Variants in MMP20 observed in about 807,000 individuals in gnomAD.
The protein encoded by MMP20 is matrix metallopeptidase 20.
MMP20 carries 50 observed loss-of-function variants against 51.8 expected under a neutral mutation model. The ratio of observed to expected loss-of-function variants is 0.97; its 90% CI spans 0.77 to 1.22. MMP20 has a LOEUF of 1.22. Ranked by LOEUF, MMP20 falls within the 50% of genes most tolerant of loss-of-function variation. The pLI, the probability that MMP20 is intolerant of heterozygous loss-of-function variation, is 0.00. For missense variants in MMP20, 663 were observed against 601.4 expected (o/e 1.10, Z -1.07); for synonymous variants, 244 against 216.2 (o/e 1.13, Z -1.13).
At chr11:102,601,139 TTTTTTTTTTTTGAGA>T (rs1591615521) in intron 6 of MMP20, among the ~76,000 whole-genome samples, 1 of 44,836 alleles carries the variant, frequency 2.2e-5, no homozygotes, top group African/African-American at 8.5e-5. Context: ...TTTTTTTTTT[TTTTTTTTTTTTGAGA>T]CGGAGTCTCG....
chr11:102,602,095 G>A lies in MMP20; in HGVS notation c.953+4440C>T, dbSNP rs1398222990. Among the ~76,000 whole-genome samples the A allele has an allele frequency of 9.2e-4, 132 of 143,434 alleles. 1 individual carries two copies. The highest frequency in any genetic ancestry group is 3.6e-3 in the Middle Eastern group (1 of 280). The allele number at this position is 143,434 out of a possible 152,430, so 94.1% of individuals were successfully genotyped here. A position where few individuals can be genotyped will look rare whatever the true frequency, so the allele number is the denominator to read the frequency against. ...CTCCCGAGTAGCTGGGATTACAGGC[G>A]CCCACCACCACGCCCGGCTAATTTT... is the stretch of plus-strand genomic sequence containing the variant. On this transcript the variant is annotated intron_variant, in intron 6 of 9. Coordinates refer to ENST00000260228, the MANE Select transcript of MMP20 (RefSeq NM_004771.4).
chr11:102,624,931 C>T (rs1326753272), intron 1 of MMP20, among the ~76,000 whole-genome samples: 1 of 152,102 alleles, frequency 6.6e-6, no homozygotes, highest in Non-Finnish European at 1.5e-5. Context: ...GCATGGTTTT[C>T]ACAAGCCACC....
At chr11:102,592,056 C>A (rs577875084) in intron 8 of MMP20, among the ~76,000 whole-genome samples, 3 of 152,186 alleles carry the variant, frequency 2.0e-5, no homozygotes, top group African/African-American at 7.2e-5. Context: ...CTCCAACAGA[C>A]GTGCTTACAC....
At chr11:102,619,093 G>A (rs920703467) in intron 1 of MMP20, among the ~76,000 whole-genome samples, 12 of 152,060 alleles carry the variant, frequency 7.9e-5, no homozygotes, top group African/African-American at 2.4e-4. Flanking sequence ...GTTCCATTCC[G>A]TCTCTAGTTA....
intron 6 of MMP20, among the ~76,000 whole-genome samples, chr11:102,602,012 C>T (rs1479367435): frequency 4.7e-5 from 7 of 147,588 alleles, no homozygotes; most frequent in South Asian, 2.1e-4. Context: ...TGCAGTGGCG[C>T]GATCTCGGCT....
Position 102,603,759 on chromosome 11 carries a change from T to G in MMP20, c.953+2776A>C, listed in dbSNP as rs147834604. ...CTCGTTCTAGTTCTTTGGAATCATC[T>G]GCCCTACCCCAGTAGCTCATTGAAT... On this transcript the variant is annotated intron_variant, in intron 6 of 9. Coordinates refer to ENST00000260228, the MANE Select transcript of MMP20 (RefSeq NM_004771.4). Among the ~76,000 whole-genome samples the G allele has an allele frequency of 7.0e-3, 1,068 of 152,318 alleles. 5 individuals are homozygous for G. The highest frequency in any genetic ancestry group is 0.027 in the Middle Eastern group (8 of 294).
chr11:102,598,523 G>T (rs1859409396), intron 6 of MMP20, among the ~76,000 whole-genome samples: 2 of 152,156 alleles, frequency 1.3e-5, no homozygotes. Flanking sequence ...TAAATGAACG[G>T]GTGCCAGAGA....
chr11:102,589,245 C>T (rs1859288464), intron 8 of MMP20, among the ~76,000 whole-genome samples: 1 of 152,158 alleles, frequency 6.6e-6, no homozygotes, highest in Middle Eastern at 3.2e-3. Context: ...GCCTGGAAGC[C>T]ACCCACCCGC....
intron 8 of MMP20, among the ~76,000 whole-genome samples, chr11:102,589,428 T>C (rs1350590362): frequency 2.6e-5 from 4 of 152,336 alleles, no homozygotes; most frequent in Non-Finnish European, 4.4e-5. Context: ...CTTGGATTTC[T>C]GTTAGTTATT....
At chr11:102,613,848 GCAATTTATCA>G (rs1203102940) in intron 2 of MMP20, among the ~76,000 whole-genome samples, 5 of 152,176 alleles carry the variant, frequency 3.3e-5, no homozygotes, top group African/African-American at 1.2e-4. Flanking sequence ...ATATGAGTCT[GCAATTTATCA>G]CAACTAGGTG....
intron 9 of MMP20, among the ~76,000 whole-genome samples, chr11:102,577,759 A>G (rs1859142957): frequency 6.6e-6 from 1 of 152,192 alleles, no homozygotes; most frequent in African/African-American, 2.4e-5. Flanking sequence ...CCTCCGGCCA[A>G]TCTTCAAAAC....
intron 9 of MMP20, among the ~76,000 whole-genome samples, chr11:102,578,063 T>C (rs1302289846): frequency 1.3e-5 from 2 of 152,194 alleles, no homozygotes; most frequent in Non-Finnish European, 2.9e-5. Flanking sequence ...TTCAACAAAG[T>C]TCTATTCAAC....
chr11:102,616,766 A>T (rs1859676672), intron 2 of MMP20, 46 bp downstream of exon 2: 13 of 1,608,528 alleles, frequency 8.1e-6, no homozygotes, highest in Non-Finnish European at 1.1e-5. Flanking sequence ...GGAAAAAGAG[A>T]GAGGTGGTGT....
At chr11:102,596,413 T>G (rs114253644) in intron 6 of MMP20, among the ~76,000 whole-genome samples, 2 of 152,190 alleles carry the variant, frequency 1.3e-5, no homozygotes, top group Non-Finnish European at 2.9e-5. Flanking sequence ...TCAGCTTACA[T>G]GGGAAAAATA....
At chr11:102,606,331 C>A (rs1859515198) in intron 6 of MMP20, among the ~76,000 whole-genome samples, 1 of 152,170 alleles carries the variant, frequency 6.6e-6, no homozygotes, top group Non-Finnish European at 1.5e-5. Flanking sequence ...AGCACAGTAG[C>A]AAGACCACAG....
intron 6 of MMP20, among the ~76,000 whole-genome samples, chr11:102,600,829 C>T (rs1221553004): frequency 6.6e-6 from 1 of 152,124 alleles, no homozygotes; most frequent in African/African-American, 2.4e-5. Flanking sequence ...CTTTCTTCCT[C>T]ACTGCTCTGC....
rs17099066 is a variant in MMP20, at chr11:102,616,420, C to T, written c.374+392G>A. Among the ~76,000 whole-genome samples, 1,458 of 152,266 alleles carry T rather than the reference C, an allele frequency of 9.6e-3. 36 individuals carry two copies. Among genetic ancestry groups the T allele is most frequent in the African/African-American group, 0.033 (1,390 of 41,550 alleles). The stretch of plus-strand genomic sequence containing the variant: ...CTCAAATGGAATGCATTTCTTGAAT[C>T]ATCAATAAAAGATTTTTGGAATCAA... On this transcript the variant is annotated intron_variant, in intron 2 of 9. Coordinates refer to ENST00000260228, the MANE Select transcript of MMP20 (RefSeq NM_004771.4).
chr11:102,608,541 G>T (rs1264749849), intron 5 of MMP20, among the ~76,000 whole-genome samples: 3 of 152,168 alleles, frequency 2.0e-5, no homozygotes, highest in African/African-American at 7.2e-5. Flanking sequence ...ACATGACTGG[G>T]TGCAGAGTTA....
At chr11:102,610,763 T>G (rs377734704) in intron 3 of MMP20, among the ~76,000 whole-genome samples, 2 of 152,088 alleles carry the variant, frequency 1.3e-5, no homozygotes, top group Non-Finnish European at 2.9e-5. Flanking sequence ...TAGTTTGTTT[T>G]TTTTTTTTAA....
Sources: gnomAD v4.1 joint callset for allele counts (sites outside exome capture counted in the v4.1 genomes callset) on GRCh38, gnomAD v4.1.1 for gene constraint, MANE v1.5 for transcripts, NCBI Gene and HGNC (gene_info 2026-07-23, HGNC 2026-07-21) for gene names.